PPFIA2: variants seen among roughly 807,000 people sequenced by gnomAD.
PPFIA2 encodes liprin-alpha-2.
In PPFIA2, 46 loss-of-function variants were observed where a neutral mutation model predicts 175.5. The ratio of observed to expected loss-of-function variants is 0.26; its 90% CI spans 0.21 to 0.34. The LOEUF is 0.34. Among genes scored for constraint, PPFIA2 ranks in the 10% least tolerant of loss-of-function variants. The pLI is 1.00. For missense variants in PPFIA2, 1,179 were observed against 1,506.1 expected (o/e 0.78, Z 3.60); for synonymous variants, 568 against 511.4 (o/e 1.11, Z -1.49).
rs1166309641 is a variant in PPFIA2, at chr12:81,367,108, C to T, written c.1545G>A (p.Lys515=). 1 of 1,455,708 alleles carries T rather than the reference C, an allele frequency of 6.9e-7. No individual in the cohort carries two copies. The highest frequency in any genetic ancestry group is 1.5e-5 in the South Asian group (1 of 68,574). 90.2% of individuals were successfully genotyped at this position (1,455,708 alleles called of 1,614,324 possible). A position where few individuals can be genotyped will look rare whatever the true frequency, so the allele number is the denominator to read the frequency against. Residue 515 remains lysine, a splice_region_variant and synonymous_variant, in exon 14 of 33, where the codon AAG becomes AAA. Transcript: ENST00000549396. ...RKNLEESLHD[K]ERLAEEIEKL... ...CCCAAAACATAAGTTTCCATTATACCTTATCATGTAAAGATTCTTCAAGAT... is the reference window on the plus strand; with the variant it reads ...CCCAAAACATAAGTTTCCATTATACTTTATCATGTAAAGATTCTTCAAGAT...
At chr12:81,275,692 A>T (rs2136641589) in intron 28 of PPFIA2, among the ~76,000 whole-genome samples, 1 of 152,242 alleles carries the variant, frequency 6.6e-6, no homozygotes, top group Non-Finnish European at 1.5e-5. Context: ...CTCTTGGATA[A>T]TAGGAAATGT....
chr12:81,624,090 G>A (rs2062391378), intron 4 of PPFIA2, among the ~76,000 whole-genome samples: 1 of 151,874 alleles, frequency 6.6e-6, no homozygotes, highest in Non-Finnish European at 1.5e-5. Context: ...CAAGGAAGAG[G>A]TGTTTTGAAA....
chr12:81,603,520 T>C (rs1226244250), intron 4 of PPFIA2, among the ~76,000 whole-genome samples: 1 of 151,608 alleles, frequency 6.6e-6, no homozygotes, highest in African/African-American at 2.4e-5. Context: ...AAAAAACAGA[T>C]ACACTTTTTG....
intron 3 of PPFIA2, among the ~76,000 whole-genome samples, chr12:81,706,010 A>AT (rs553233348): frequency 1.3e-5 from 2 of 152,240 alleles, no homozygotes; most frequent in African/African-American, 2.4e-5. Flanking sequence ...TATTAAAAGT[A>AT]TTTTTTTATT....
At chr12:81,565,860 T>C (rs934731455) in intron 4 of PPFIA2, among the ~76,000 whole-genome samples, 2 of 152,206 alleles carry the variant, frequency 1.3e-5, no homozygotes, top group African/African-American at 2.4e-5. Flanking sequence ...ATTTTCTTTA[T>C]CTGTCATCTG....
At chr12:81,362,982 A>G (rs931977019) in intron 14 of PPFIA2, among the ~76,000 whole-genome samples, 198 bp from the exon 15 acceptor site, 2 of 151,656 alleles carry the variant, frequency 1.3e-5, no homozygotes, top group South Asian at 2.1e-4. Flanking sequence ...ATAAAAATTT[A>G]TCTACAATCT....
chr12:81,389,175 T>TTA (rs1236232648), intron 8 of PPFIA2, among the ~76,000 whole-genome samples: 1 of 148,082 alleles, frequency 6.8e-6, no homozygotes, highest in Non-Finnish European at 1.5e-5. Context: ...TCAGTGGAGT[T>TTA]TATATATATA....
chr12:81,357,966 G>T, intron 16 of PPFIA2, 116 bp downstream of exon 16: 2 of 1,104,702 alleles, frequency 1.8e-6, no homozygotes, highest in South Asian at 1.9e-5. Context: ...CATACTCTGT[G>T]TTTCAAATTA....
intron 4 of PPFIA2, among the ~76,000 whole-genome samples, chr12:81,661,161 A>G (rs1446894449): frequency 6.6e-6 from 1 of 152,224 alleles, no homozygotes; most frequent in African/African-American, 2.4e-5. Flanking sequence ...ATAACCAGCT[A>G]ACATCATAAT....
At chr12:81,267,788 A>G (rs948105394) in intron 29 of PPFIA2, 124 bp downstream of exon 29, 6 of 747,968 alleles carry the variant, frequency 8.0e-6, no homozygotes, top group Non-Finnish European at 1.0e-5. Context: ...CCCCAGTGAC[A>G]TATTTCAAAC....
intron 4 of PPFIA2, among the ~76,000 whole-genome samples, chr12:81,629,768 C>T (rs550777871): frequency 6.6e-6 from 1 of 152,250 alleles, no homozygotes; most frequent in South Asian, 2.1e-4. Flanking sequence ...GTCACTGTTG[C>T]CTTTAAGAAA....
In PPFIA2 at chr12:81,413,623, T is replaced by C. The variant is rs577607035; in HGVS notation, c.646-7720A>G. ...GAGTTGTTTTGTAAACTCAAAGTAATAGGCAATTTCATTGCATCTTAAAAT... is the reference window on the plus strand; with the variant it reads ...GAGTTGTTTTGTAAACTCAAAGTAACAGGCAATTTCATTGCATCTTAAAAT... On this transcript the variant is annotated intron_variant, in intron 7 of 32. Transcript: ENST00000549396. Among the ~76,000 whole-genome samples the C allele has an allele frequency of 8.6e-5, 13 of 151,900 alleles. 2 individuals are homozygous for C. The highest frequency in any genetic ancestry group is 3.1e-4 in the African/African-American group (13 of 41,532).
chr12:81,405,680 G>T (rs1422597689), intron 8 of PPFIA2, 107 bp downstream of exon 8: 3 of 647,766 alleles, frequency 4.6e-6, no homozygotes, highest in Non-Finnish European at 7.8e-6. Flanking sequence ...TTTGACCAAA[G>T]AATCAACAAA....
chr12:81,544,283 G>T (rs556051436), intron 4 of PPFIA2, among the ~76,000 whole-genome samples: 102 of 152,140 alleles, frequency 6.7e-4, no homozygotes, highest in African/African-American at 2.3e-3. Context: ...AAAGAAATAA[G>T]GTCCAGGTTT....
intron 7 of PPFIA2, among the ~76,000 whole-genome samples, chr12:81,418,378 T>G (rs1389191631): frequency 6.6e-6 from 1 of 152,110 alleles, no homozygotes; most frequent in Non-Finnish European, 1.5e-5. Context: ...CATAAAATAT[T>G]TCATACTTTT....
chr12:81,297,244 A>T (rs1245844401), intron 23 of PPFIA2, among the ~76,000 whole-genome samples: 1 of 152,208 alleles, frequency 6.6e-6, no homozygotes, highest in African/African-American at 2.4e-5. Context: ...GACTCTGAGC[A>T]GAGGCCATCA....
At chr12:81,583,236 C>A (rs147451374) in intron 4 of PPFIA2, among the ~76,000 whole-genome samples, 192 of 152,032 alleles carry the variant, frequency 1.3e-3, no homozygotes, top group Admixed American at 9.5e-3. Context: ...AAGCATGCAA[C>A]GTCATTCCTG....
chr12:81,313,635 A>C (rs1178638203), intron 22 of PPFIA2, among the ~76,000 whole-genome samples: 2 of 152,096 alleles, frequency 1.3e-5, no homozygotes, highest in African/African-American at 4.8e-5. Flanking sequence ...AAAAGGAGAT[A>C]GTTTTTAGAT....
intron 4 of PPFIA2, among the ~76,000 whole-genome samples, chr12:81,471,506 T>C (rs1034931374): frequency 2.0e-5 from 3 of 151,620 alleles, no homozygotes; most frequent in African/African-American, 7.3e-5. Flanking sequence ...TAATTTTCTA[T>C]TGTTTGAATA....
Sources: gnomAD v4.1 joint callset for allele counts (sites outside exome capture counted in the v4.1 genomes callset) on GRCh38, gnomAD v4.1.1 for gene constraint, MANE v1.5 for transcripts, NCBI Gene and HGNC (gene_info 2026-07-23, HGNC 2026-07-21) for gene names.